The following NIPBL variants were observed in gnomAD, a reference collection of about 807,000 sequenced individuals.
The protein encoded by NIPBL is nipped-B-like protein.
In NIPBL, 19 loss-of-function variants were observed where a neutral mutation model predicts 321.8. The ratio of observed to expected loss-of-function variants is 0.06; its 90% CI spans 0.04 to 0.09. NIPBL has a LOEUF of 0.09. Ranked by LOEUF, NIPBL falls within the 10% of genes least tolerant of loss-of-function variation. NIPBL has a pLI of 1.00. For synonymous variants in NIPBL, 1,106 were observed against 1,114.1 expected (o/e 0.99, Z 0.14); for missense variants, 2,210 against 3,327.0 (o/e 0.66, Z 8.26).
chr5:36,936,299 A>G (rs1439098777), intron 1 of NIPBL, among the ~76,000 whole-genome samples: 1 of 152,180 alleles, frequency 6.6e-6, no homozygotes, highest in African/African-American at 2.4e-5. Flanking sequence ...TTGGTCAACA[A>G]CAGACCATAA....
intron 21 of NIPBL, among the ~76,000 whole-genome samples, chr5:37,012,792 A>C (rs988118552): frequency 1.8e-4 from 28 of 152,236 alleles, no homozygotes; most frequent in African/African-American, 5.5e-4. Context: ...GTAAGGTCAC[A>C]GATCAACAGG....
At chr5:37,048,254 T>C (rs1232728025) in intron 38 of NIPBL, among the ~76,000 whole-genome samples, 1 of 152,110 alleles carries the variant, frequency 6.6e-6, no homozygotes, top group Non-Finnish European at 1.5e-5. Flanking sequence ...TAGGCCCTGC[T>C]CCCTCCTCAA....
intron 1 of NIPBL, among the ~76,000 whole-genome samples, chr5:36,908,943 A>T (rs1035911163): frequency 6.6e-5 from 10 of 152,218 alleles, no homozygotes; most frequent in Non-Finnish European, 1.0e-4. Context: ...CAGAGCTATT[A>T]TTTTATGTAT....
At chr5:36,977,518 T>G (rs1459672691) in intron 9 of NIPBL, among the ~76,000 whole-genome samples, 1 of 151,900 alleles carries the variant, frequency 6.6e-6, no homozygotes, top group Non-Finnish European at 1.5e-5. Flanking sequence ...TTGCAACATA[T>G]GTAAATCAGA....
At chr5:37,028,281 C>G (rs547108298) in intron 32 of NIPBL, among the ~76,000 whole-genome samples, 2 of 151,704 alleles carry the variant, frequency 1.3e-5, no homozygotes, top group East Asian at 1.9e-4. Flanking sequence ...AGCTATCCTT[C>G]CCCTATCTGG....
At chr5:37,014,048 A>T (rs1650353279) in intron 21 of NIPBL, among the ~76,000 whole-genome samples, 1 of 152,230 alleles carries the variant, frequency 6.6e-6, no homozygotes, top group African/African-American at 2.4e-5. Flanking sequence ...TCCACCAAAA[A>T]AATACGAAAA....
At chr5:36,877,537 A>G (rs766325105) in intron 1 of NIPBL, among the ~76,000 whole-genome samples, 5 of 152,156 alleles carry the variant, frequency 3.3e-5, no homozygotes, top group Non-Finnish European at 5.9e-5. Flanking sequence ...CCGGGAGTGG[A>G]GCCGTAGCTA....
At chr5:37,039,979 T>C (rs1014964230) in intron 34 of NIPBL, among the ~76,000 whole-genome samples, 1 of 152,158 alleles carries the variant, frequency 6.6e-6, no homozygotes, top group Non-Finnish European at 1.5e-5. Flanking sequence ...ACATGTATTA[T>C]CTCATTAACT....
rs1191498766 is a variant in NIPBL, at chr5:36,985,256, A to G, written c.2076A>G (p.Arg692=). ...ATGACAACAAACAAAATAATGGCAGATCAGAAACAACAAAATCAAGGCCTG... is the reference window on the plus strand; with the variant it reads ...ATGACAACAAACAAAATAATGGCAGGTCAGAAACAACAAAATCAAGGCCTG... ...KPNDNKQNNG[R]SETTKSRPET... is the part of the protein sequence containing the mutation. Residue 692 remains arginine (R), a synonymous_variant, in exon 10 of 47, where the codon AGA becomes AGG. Coordinates refer to ENST00000282516, the MANE Select transcript of NIPBL (RefSeq NM_133433.4). 3 of 1,613,802 alleles carry G rather than the reference A, an allele frequency of 1.9e-6. No homozygotes were observed. The highest frequency in any genetic ancestry group is 1.7e-5 in the Admixed American group (1 of 59,888).
chr5:37,031,203 C>T (rs185888844), intron 32 of NIPBL, among the ~76,000 whole-genome samples: 18 of 152,078 alleles, frequency 1.2e-4, no homozygotes, highest in African/African-American at 4.3e-4. Flanking sequence ...CCAGGCTGGT[C>T]TTGAACTCCA....
In NIPBL at chr5:37,033,681, T is replaced by TACGTAC. The variant is rs1449416533; in HGVS notation, c.5863-2696_5863-2695insGTACAC. ...TTAATTACATATGTGTGTGTATATG[T>TACGTAC]ACATACACACACACACACACACACA... is the stretch of plus-strand genomic sequence containing the variant. On this transcript the variant is annotated intron_variant, in intron 32 of 46. Coordinates refer to ENST00000282516, the MANE Select transcript of NIPBL (RefSeq NM_133433.4). Among the ~76,000 whole-genome samples the TACGTAC allele has an allele frequency of 6.9e-5, 6 of 86,406 alleles. No homozygotes were observed. The East Asian group carries it at 1.8e-3, about 26-fold the overall frequency. 56.7% of individuals were successfully genotyped at this position (86,406 alleles called of 152,430 possible).
intron 4 of NIPBL, among the ~76,000 whole-genome samples, chr5:36,958,675 GTAT>G (rs1357815405): frequency 6.6e-6 from 1 of 151,880 alleles, no homozygotes; most frequent in South Asian, 2.1e-4. Flanking sequence ...AATTGGTTAA[GTAT>G]TATTATTAAA....
rs933369649 is a variant in NIPBL at position 37,016,590 on chromosome 5, C to T, written c.4776+420C>T. 3.3e-5 allele frequency among the ~76,000 whole-genome samples: 5 copies of T among 152,216 alleles called. No homozygotes were observed. In the East Asian group the frequency reaches 9.6e-4, roughly 29 times the overall value. Reference sequence around the variant, plus strand: ...GTAAATGCAAAGAAATGTTGTGACTCTATTTTTAAACTACATTTGAACTTG... The same window carrying T: ...GTAAATGCAAAGAAATGTTGTGACTTTATTTTTAAACTACATTTGAACTTG... On this transcript the variant is annotated intron_variant, in intron 23 of 46. Transcript: ENST00000282516.
At chr5:36,980,857 C>T (rs1395094750) in intron 9 of NIPBL, among the ~76,000 whole-genome samples, 1 of 151,570 alleles carries the variant, frequency 6.6e-6, no homozygotes, top group East Asian at 1.9e-4. Context: ...CATTCAGTTT[C>T]TGCATTGTGT....
In NIPBL at chr5:36,918,101, A is replaced by G. The variant is rs547046544; in HGVS notation, c.-79-35517A>G. On this transcript the variant is annotated intron_variant, in intron 1 of 46. Transcript: ENST00000282516. ...TTGATGGAGATGGCATTGAATCTATAAATTACCTTGGGCAGTATGGCCATT... is the reference window on the plus strand; with the variant it reads ...TTGATGGAGATGGCATTGAATCTATGAATTACCTTGGGCAGTATGGCCATT... Among the ~76,000 whole-genome samples the G allele has an allele frequency of 1.6e-3, 249 of 152,224 alleles. 2 individuals carry two copies. Among genetic ancestry groups the G allele is most frequent in the African/African-American group, 5.8e-3 (242 of 41,494 alleles).
At chr5:36,971,924 A>C (rs1742887252) in intron 7 of NIPBL, 21 bp from the exon 8 acceptor site, 1 of 1,601,030 alleles carries the variant, frequency 6.2e-7, no homozygotes, top group Middle Eastern at 1.7e-4. Context: ...TCAAAAGATA[A>C]ATTGTATACT....
chr5:36,984,852 A>G lies in NIPBL; in HGVS notation c.1672A>G (p.Thr558Ala), dbSNP rs201295325. 1 of 1,613,802 alleles carries G rather than the reference A, an allele frequency of 6.2e-7. No homozygotes were observed. The highest frequency in any genetic ancestry group is 2.2e-5 in the East Asian group (1 of 44,866). Residue 558 changes from threonine (T) to alanine (A), a missense_variant, in exon 10 of 47, where the codon ACT becomes GCT. Physicochemically the swap from Thr to Ala is moderately conservative, Grantham distance 58 (BLOSUM62 0). This residue lies in a region of NIPBL where 588 missense variants were observed against 564.1 expected (regional missense o/e 1.04). Transcript: ENST00000282516. ...AGRVDSQASI[T>A]QDSDSIKKPE... ...AAGAGTGGACTCTCAGGCTTCTATA[A>G]CTCAGGATTCAGACTCCATAAAAAA...
At position 37,065,118 on chromosome 5, in the gene NIPBL, G is replaced by C; in HGVS notation, c.*226G>C. ...TCATTTTTACTCCCACTGTATTATA[G>C]TTTAACAAAAATTGTTTATATCTTG... On this transcript the variant is annotated 3_prime_UTR_variant, in exon 47 of 47. Coordinates refer to ENST00000282516, the MANE Select transcript of NIPBL (RefSeq NM_133433.4). The C allele has an allele frequency of 1.8e-6, 1 of 560,362 alleles. No homozygotes were observed. The highest frequency in any genetic ancestry group is 3.1e-6 in the Non-Finnish European group (1 of 319,142). The allele number at this position is 560,362 out of a possible 1,614,324, so 34.7% of individuals were successfully genotyped here.
At chr5:36,963,787 CAAAG>C (rs1253755614) in intron 6 of NIPBL, among the ~76,000 whole-genome samples, 1 of 151,976 alleles carries the variant, frequency 6.6e-6, no homozygotes, top group Non-Finnish European at 1.5e-5. Context: ...AGACCTATCT[CAAAG>C]AAAAGAAATA....
Sources: gnomAD v4.1 joint callset for allele counts (sites outside exome capture counted in the v4.1 genomes callset) on GRCh38, gnomAD v4.1.1 for gene constraint, gnomAD v4.1.1 regional missense constraint, MANE v1.5 for transcripts, NCBI Gene and HGNC (gene_info 2026-07-23, HGNC 2026-07-21) for gene names.